The following FMN1 variants were observed in gnomAD, a reference collection of about 807,000 sequenced individuals.
FMN1 encodes the protein formin 1.
A neutral mutation model predicts 132.4 loss-of-function variants in FMN1; 110 were observed. That is an observed-to-expected ratio of 0.83 (90% CI 0.71 to 0.97). FMN1 has a LOEUF of 0.97. Among genes scored for constraint, FMN1 ranks in the 50% least tolerant of loss-of-function variants. The probability of loss-of-function intolerance (pLI) is 0.00; values close to 1 mark genes in which losing one functional copy is unlikely to be tolerated. For missense variants in FMN1, 1,792 were observed against 1,705.3 expected (o/e 1.05, Z -0.90); for synonymous variants, 722 against 651.7 (o/e 1.11, Z -1.64).
At chr15:32,970,105 T>C (rs79902148) in intron 7 of FMN1, among the ~76,000 whole-genome samples, 1,629 of 152,318 alleles carry the variant, frequency 0.011, 32 homozygotes, top group African/African-American at 0.035. Flanking sequence ...GAAGATATTA[T>C]AGTATGCCAT....
intron 16 of FMN1, among the ~76,000 whole-genome samples, chr15:32,871,955 A>C (rs1214255423): frequency 6.6e-6 from 1 of 152,092 alleles, no homozygotes; most frequent in Non-Finnish European, 1.5e-5. Flanking sequence ...CAAGACCATA[A>C]CTGGTGATAT....
At chr15:33,001,182 C>T (rs756667135) in intron 7 of FMN1, among the ~76,000 whole-genome samples, 1 of 152,118 alleles carries the variant, frequency 6.6e-6, no homozygotes, top group Non-Finnish European at 1.5e-5. Context: ...ACTCAAGAGG[C>T]TGAGGCAAGA....
Position 33,153,161 on chromosome 15 carries a change from G to A in FMN1, c.1754C>T (p.Ala585Val), listed in dbSNP as rs1964516572. 2.6e-6 allele frequency: 4 copies of A among 1,535,996 alleles called. No homozygotes were observed. The highest frequency in any genetic ancestry group is 3.5e-6 in the Non-Finnish European group (4 of 1,146,924). ...GCCTGCTCTGAGGAAGGCCGGGCTGGCTCCTTTGGTCTCCGTGACCTTTGC... is the reference window on the plus strand; with the variant it reads ...GCCTGCTCTGAGGAAGGCCGGGCTGACTCCTTTGGTCTCCGTGACCTTTGC... ...SSAKVTETKG[A>V]SPAFLRAGQP... The change falls in exon 4 of 21, where the codon GCC (alanine) becomes GTC (valine). Residue 585 changes from alanine (A) to valine (V), a missense_variant. Around this residue, in one of 3 missense-constraint regions of FMN1, gnomAD observed 1,150 missense variants for 1,043.1 expected, o/e 1.10. Coordinates refer to ENST00000616417, the MANE Select transcript of FMN1 (RefSeq NM_001277313.2).
chr15:33,009,576 A>G (rs1035279074), intron 6 of FMN1, among the ~76,000 whole-genome samples: 6 of 152,154 alleles, frequency 3.9e-5, no homozygotes, highest in Non-Finnish European at 8.8e-5. Context: ...CTAATATTGA[A>G]AACAATAATA....
intron 4 of FMN1, among the ~76,000 whole-genome samples, chr15:33,124,212 G>A (rs934640917): frequency 6.6e-6 from 1 of 152,196 alleles, no homozygotes; most frequent in African/African-American, 2.4e-5. Context: ...AAAGAAAAGT[G>A]AGGTGATGTT....
rs547582479 is a variant in FMN1 at position 32,774,860 on chromosome 15, T to C, written c.4216-506A>G. Among the ~76,000 whole-genome samples, 4 of 152,320 alleles carry C rather than the reference T, an allele frequency of 2.6e-5. No individual in the cohort carries two copies. The South Asian group carries it at 8.3e-4, about 32-fold the overall frequency. Reference sequence around the variant, plus strand: ...AATGGCAGAAGTTCCCGATTTGCCATGGATGTTATGCTCTTCATTCTCCGA... The same window carrying C: ...AATGGCAGAAGTTCCCGATTTGCCACGGATGTTATGCTCTTCATTCTCCGA... On this transcript the variant is annotated intron_variant, in intron 20 of 20. Coordinates refer to ENST00000616417, the MANE Select transcript of FMN1 (RefSeq NM_001277313.2).
At chr15:32,915,748 C>A (rs2060668890) in intron 10 of FMN1, among the ~76,000 whole-genome samples, 1 of 152,222 alleles carries the variant, frequency 6.6e-6, no homozygotes, top group African/African-American at 2.4e-5. Flanking sequence ...GGGGAGACCC[C>A]AACAGCTCAT....
At chr15:33,011,945 C>T (rs1301006752) in intron 6 of FMN1, among the ~76,000 whole-genome samples, 1 of 152,182 alleles carries the variant, frequency 6.6e-6, no homozygotes, top group Non-Finnish European at 1.5e-5. Context: ...AGCAGGAGTG[C>T]AAACTGGTAT....
intron 3 of FMN1, among the ~76,000 whole-genome samples, chr15:33,163,762 C>T (rs1964991465): frequency 1.3e-5 from 2 of 151,992 alleles, no homozygotes; most frequent in Admixed American, 1.3e-4. Context: ...GGATTACAGG[C>T]AGCCGCCATC....
chr15:33,185,568 ATTTTTT>A (rs57232200), intron 2 of FMN1, among the ~76,000 whole-genome samples: 2 of 113,410 alleles, frequency 1.8e-5, no homozygotes, highest in East Asian at 2.5e-4. Context: ...TAAAGTAAGA[ATTTTTT>A]TTTTTTTTTT....
chr15:33,033,071 C>T (rs1017633743), intron 6 of FMN1, among the ~76,000 whole-genome samples: 3 of 152,154 alleles, frequency 2.0e-5, no homozygotes, highest in Non-Finnish European at 2.9e-5. Context: ...CGCTCTGTCG[C>T]CCAGGATGGA....
intron 12 of FMN1, among the ~76,000 whole-genome samples, chr15:32,903,394 G>A (rs1041582454): frequency 2.6e-5 from 4 of 152,168 alleles, no homozygotes; most frequent in African/African-American, 9.7e-5. Flanking sequence ...ACTGAAATCA[G>A]GGGTATCATC....
chr15:32,931,441 A>AT (rs1053153758), intron 9 of FMN1, among the ~76,000 whole-genome samples: 2 of 151,972 alleles, frequency 1.3e-5, no homozygotes, highest in Non-Finnish European at 2.9e-5. Flanking sequence ...TAAGTATTTC[A>AT]TTTTTTTGGA....
At chr15:33,001,782 C>T (rs942852595) in intron 7 of FMN1, among the ~76,000 whole-genome samples, 2 of 144,642 alleles carry the variant, frequency 1.4e-5, no homozygotes, top group Admixed American at 7.0e-5. Flanking sequence ...TGCGGTGGTG[C>T]GCGCATGCAG....
At position 32,959,043 on chromosome 15, in the gene FMN1, C is replaced by CAA. The variant is rs36081835; in HGVS notation, c.3138+5062_3138+5063dup. Among the ~76,000 whole-genome samples, 97 of 84,266 alleles carry CAA rather than the reference C, an allele frequency of 1.2e-3. 1 individual carries two copies. Among genetic ancestry groups the CAA allele is most frequent in the Middle Eastern group, 6.3e-3 (1 of 160 alleles). 55.3% of individuals were successfully genotyped at this position (84,266 alleles called of 152,430 possible). On this transcript the variant is annotated intron_variant, in intron 9 of 20. Transcript: ENST00000616417. Reference sequence around the variant, plus strand: ...GGGCGACAACAGTGAAACACTGTCTCAAAAAAAAAAAAAAAAAAAAGACAT... The same window carrying CAA: ...GGGCGACAACAGTGAAACACTGTCTCAAAAAAAAAAAAAAAAAAAAAAGACAT...
chr15:32,991,997 C>T (rs2033463463), intron 7 of FMN1, among the ~76,000 whole-genome samples: 1 of 152,144 alleles, frequency 6.6e-6, no homozygotes, highest in South Asian at 2.1e-4. Flanking sequence ...GAACTATAGA[C>T]CTTGTAGTCC....
At chr15:32,992,417 A>G (rs189518841) in intron 7 of FMN1, among the ~76,000 whole-genome samples, 1 of 152,350 alleles carries the variant, frequency 6.6e-6, no homozygotes. Flanking sequence ...TAGTATAAGT[A>G]TGAAGTAGAA....
intron 6 of FMN1, among the ~76,000 whole-genome samples, chr15:33,010,779 A>T (rs2034671239): frequency 6.6e-6 from 1 of 152,144 alleles, no homozygotes; most frequent in South Asian, 2.1e-4. Context: ...GTAGCAGTTT[A>T]AAAAAGAAAA....
At chr15:33,069,046 AT>A (rs768271945) in intron 5 of FMN1, among the ~76,000 whole-genome samples, 4 of 152,200 alleles carry the variant, frequency 2.6e-5, no homozygotes, top group Non-Finnish European at 4.4e-5. Context: ...AGACAAAACA[AT>A]TTGAAGATCC....
Sources: gnomAD v4.1 joint callset for allele counts (sites outside exome capture counted in the v4.1 genomes callset) on GRCh38, gnomAD v4.1.1 for gene constraint, gnomAD v4.1.1 regional missense constraint, MANE v1.5 for transcripts, NCBI Gene and HGNC (gene_info 2026-07-23, HGNC 2026-07-21) for gene names.